TTC28: variants seen among roughly 807,000 people sequenced by gnomAD.
TTC28 encodes the protein tetratricopeptide repeat protein 28.
A neutral mutation model predicts 198.0 loss-of-function variants in TTC28; 61 were observed. The ratio of observed to expected loss-of-function variants is 0.31; its 90% CI spans 0.25 to 0.38. The LOEUF (loss-of-function observed/expected upper bound fraction) is 0.38. Among genes scored for constraint, TTC28 ranks in the 10% least tolerant of loss-of-function variants. TTC28 has a pLI of 1.00. For synonymous variants in TTC28, 1,171 were observed against 1,297.8 expected, an observed-to-expected ratio of 0.90 and a Z score of 2.10; for missense variants, 2,678 against 3,164.0, an observed-to-expected ratio of 0.85 and a Z score of 3.69.
At chr22:28,161,328 C>T (rs576715068) in intron 6 of TTC28, among the ~76,000 whole-genome samples, 4 of 152,118 alleles carry the variant, frequency 2.6e-5, no homozygotes, top group South Asian at 2.1e-4. Flanking sequence ...GCCAGGAGTT[C>T]GAGACTAGCC....
At chr22:28,530,868 T>G (rs12484855) in intron 2 of TTC28, among the ~76,000 whole-genome samples, 1 of 152,164 alleles carries the variant, frequency 6.6e-6, no homozygotes, top group African/African-American at 2.4e-5. Context: ...CTGAGAGATT[T>G]TGTCACCACC....
At chr22:28,433,789 G>A (rs958262829) in intron 2 of TTC28, among the ~76,000 whole-genome samples, 11 of 152,014 alleles carry the variant, frequency 7.2e-5, no homozygotes, top group African/African-American at 2.2e-4. Flanking sequence ...GTGTGTGTTT[G>A]TTTGAATAAG....
intron 2 of TTC28, among the ~76,000 whole-genome samples, chr22:28,319,765 T>C (rs2045414517): frequency 6.6e-6 from 1 of 152,198 alleles, no homozygotes; most frequent in African/African-American, 2.4e-5. Flanking sequence ...AGAATTCCAT[T>C]TGAATAATTT....
chr22:28,071,017 A>T (rs1940944437), intron 12 of TTC28, among the ~76,000 whole-genome samples: 1 of 152,106 alleles, frequency 6.6e-6, no homozygotes, highest in African/African-American at 2.4e-5. Context: ...TATGAGTAAC[A>T]CACTTGAGGA....
intron 2 of TTC28, among the ~76,000 whole-genome samples, chr22:28,475,064 G>A (rs1366262163): frequency 6.7e-6 from 1 of 148,882 alleles, no homozygotes; most frequent in African/African-American, 2.5e-5. Context: ...GTGGGAGAAT[G>A]GCGTGAACCC....
chr22:28,172,587 C>T lies in TTC28; in HGVS notation c.934-8988G>A, dbSNP rs368510676. Among the ~76,000 whole-genome samples, 30 of 152,246 alleles carry T rather than the reference C, an allele frequency of 2.0e-4. 1 individual carries two copies. The East Asian group carries it at 5.8e-3, about 29-fold the overall frequency. Reference sequence around the variant, plus strand: ...GAGCTGCTTACTAAAGCTCTCTGAACATAAGGAAGGGAATATTTGGGCATT... The same window carrying T: ...GAGCTGCTTACTAAAGCTCTCTGAATATAAGGAAGGGAATATTTGGGCATT... On this transcript the variant is annotated intron_variant, in intron 5 of 22. Coordinates refer to ENST00000397906, the MANE Select transcript of TTC28 (RefSeq NM_001145418.2).
At chr22:28,373,769 A>C (rs971540252) in intron 2 of TTC28, among the ~76,000 whole-genome samples, 1 of 152,222 alleles carries the variant, frequency 6.6e-6, no homozygotes, top group Non-Finnish European at 1.5e-5. Context: ...ACTGCCCCAA[A>C]GAAAGTTCTC....
intron 5 of TTC28, among the ~76,000 whole-genome samples, chr22:28,187,205 G>A (rs1924282526): frequency 6.6e-6 from 1 of 152,216 alleles, no homozygotes; most frequent in East Asian, 1.9e-4. Flanking sequence ...TTGACCGAGG[G>A]TAAGAGGTTA....
chr22:28,044,882 T>C (rs1293786601), intron 12 of TTC28, among the ~76,000 whole-genome samples: 1 of 152,222 alleles, frequency 6.6e-6, no homozygotes, highest in Non-Finnish European at 1.5e-5. Flanking sequence ...CTTTTCTTTG[T>C]TAAAGGAGAA....
At chr22:28,411,354 A>G (rs1319599064) in intron 2 of TTC28, among the ~76,000 whole-genome samples, 1 of 152,222 alleles carries the variant, frequency 6.6e-6, no homozygotes, top group Non-Finnish European at 1.5e-5. Context: ...TCCTACTCAC[A>G]GAATAGCCAT....
chr22:28,040,477 T>G (rs1223515786), intron 12 of TTC28, among the ~76,000 whole-genome samples: 3 of 152,094 alleles, frequency 2.0e-5, no homozygotes, highest in African/African-American at 4.8e-5. Context: ...ATAGAACCAA[T>G]GACAAAAACT....
At chr22:28,154,152 A>G (rs1006025726) in intron 6 of TTC28, among the ~76,000 whole-genome samples, 4 of 152,182 alleles carry the variant, frequency 2.6e-5, no homozygotes, top group African/African-American at 9.7e-5. Flanking sequence ...TTTCAGTGTG[A>G]GAGGACTTTA....
intron 12 of TTC28, among the ~76,000 whole-genome samples, chr22:28,045,013 T>C (rs117806783): frequency 1.3e-5 from 2 of 152,142 alleles, no homozygotes; most frequent in African/African-American, 4.8e-5. Context: ...TGTAATCGAT[T>C]GGAAGGCCCC....
At chr22:28,660,821 G>A (rs904974625) in intron 1 of TTC28, among the ~76,000 whole-genome samples, 10 of 150,144 alleles carry the variant, frequency 6.7e-5, no homozygotes. Flanking sequence ...ACCGCGGCTG[G>A]CCAATTTTTG....
chr22:28,623,646 C>T (rs564125755), intron 2 of TTC28, among the ~76,000 whole-genome samples: 14 of 151,992 alleles, frequency 9.2e-5, no homozygotes, highest in Middle Eastern at 3.4e-3. Context: ...ACATGCAAGG[C>T]CATAAAACAA....
chr22:28,448,114 T>C lies in TTC28; in HGVS notation c.382-141471A>G, dbSNP rs535662053. 3.9e-5 allele frequency among the ~76,000 whole-genome samples: 6 copies of C among 152,346 alleles called. No homozygotes were observed. In the South Asian group the frequency reaches 1.2e-3, roughly 32 times the overall value. ...TCAGAATGTTAAAATTTAACATTAT[T>C]GTTTCAAAGATCCAGCATCAAATAG... On this transcript the variant is annotated intron_variant, in intron 2 of 22. Transcript: ENST00000397906.
intron 5 of TTC28, among the ~76,000 whole-genome samples, chr22:28,179,716 T>C (rs543164368): frequency 6.6e-6 from 1 of 152,350 alleles, no homozygotes; most frequent in East Asian, 1.9e-4. Context: ...GGCTGATCTG[T>C]AATGAATATA....
intron 2 of TTC28, among the ~76,000 whole-genome samples, chr22:28,584,350 G>C (rs1401096132): frequency 1.3e-5 from 2 of 152,076 alleles, no homozygotes; most frequent in African/African-American, 2.4e-5. Context: ...CAGGAACCTG[G>C]ACTCTGCAGG....
chr22:28,149,740 C>T (rs1008882634), intron 6 of TTC28, among the ~76,000 whole-genome samples: 2 of 152,068 alleles, frequency 1.3e-5, no homozygotes, highest in African/African-American at 4.8e-5. Flanking sequence ...TTACTAGAGG[C>T]TGGGAGGTGG....
Sources: allele counts gnomAD v4.1 joint callset (sites outside exome capture counted in the v4.1 genomes callset), GRCh38; gene constraint gnomAD v4.1.1; transcripts MANE v1.5; gene names NCBI Gene and HGNC (gene_info 2026-07-23, HGNC 2026-07-21).